The following PDE8B variants were observed in gnomAD, a reference collection of about 807,000 sequenced individuals.
PDE8B encodes high affinity cAMP-specific and IBMX-insensitive 3',5'-cyclic phosphodiesterase 8B.
In PDE8B, 26 loss-of-function variants were observed where a neutral mutation model predicts 101.3. That is an observed-to-expected ratio of 0.26 (90% CI 0.19 to 0.36). PDE8B has a LOEUF of 0.36. Ranked by LOEUF, PDE8B falls within the 10% of genes least tolerant of loss-of-function variation. PDE8B has a pLI of 1.00. For synonymous variants in PDE8B, 424 were observed against 429.3 expected, an observed-to-expected ratio of 0.99 and a Z score of 0.15; for missense variants, 810 against 1,163.1, an observed-to-expected ratio of 0.70 and a Z score of 4.42.
At chr5:77,302,402 G>C (rs1770170543) in intron 1 of PDE8B, among the ~76,000 whole-genome samples, 1 of 152,190 alleles carries the variant, frequency 6.6e-6, no homozygotes, top group Admixed American at 6.5e-5. Flanking sequence ...GGCAGTGTAA[G>C]ATGCTGTGCT....
chr5:77,273,716 G>A (rs530773417), intron 1 of PDE8B, among the ~76,000 whole-genome samples: 1 of 152,020 alleles, frequency 6.6e-6, no homozygotes, highest in African/African-American at 2.4e-5. Context: ...AGCCATTTGA[G>A]GTGGACAAAA....
intron 10 of PDE8B, among the ~76,000 whole-genome samples, chr5:77,392,740 T>C (rs1790196713): frequency 6.6e-6 from 1 of 152,128 alleles, no homozygotes; most frequent in South Asian, 2.1e-4. Flanking sequence ...TCTCTTAGCC[T>C]GTAGGGAGGG....
chr5:77,201,639 C>CCTGG, the PDE8B span, among the ~76,000 whole-genome samples: 5 of 152,162 alleles, frequency 3.3e-5, no homozygotes, highest in Non-Finnish European at 5.9e-5. Flanking sequence ...AGACATCTAA[C>CCTGG]CTGGAAATTT....
the PDE8B span, among the ~76,000 whole-genome samples, chr5:77,111,195 T>A: frequency 6.6e-6 from 1 of 152,182 alleles, no homozygotes; most frequent in Non-Finnish European, 1.5e-5. Context: ...GATGACAGCT[T>A]AGACTTGGAT....
intron 1 of PDE8B, among the ~76,000 whole-genome samples, chr5:77,302,512 G>C (rs78651244): frequency 4.6e-5 from 7 of 152,212 alleles, no homozygotes; most frequent in African/African-American, 1.4e-4. Context: ...ACTGCAGCGG[G>C]AGCGGGTGCC....
In PDE8B at chr5:77,427,419, G is replaced by GTAT. The variant is rs1798347997; in HGVS notation, c.*866_*867insATT. 1 of 115,210 alleles carries GTAT rather than the reference G, an allele frequency of 8.7e-6. No individual in the cohort carries two copies. The highest frequency in any genetic ancestry group is 2.1e-5 in the Non-Finnish European group (1 of 47,936). The allele number at this position is 115,210 out of a possible 1,614,324, so 7.1% of individuals were successfully genotyped here. On this transcript the variant is annotated 3_prime_UTR_variant, in exon 22 of 22. Transcript: ENST00000264917. Reference sequence around the variant, plus strand: ...CTTTTCTTAAAAAAAAAAAAAAAAAGTTTATATACATGTTTAAAATTTTTA... The same window carrying GTAT: ...CTTTTCTTAAAAAAAAAAAAAAAAAGTATTTTATATACATGTTTAAAATTTTTA...
chr5:77,106,291 A>G, the PDE8B span: 2 of 152,178 alleles, frequency 1.3e-5, no homozygotes, highest in Admixed American at 6.5e-5. Flanking sequence ...GGAGTTTTAT[A>G]GTTTTTACTT....
intron 1 of PDE8B, among the ~76,000 whole-genome samples, chr5:77,231,587 A>G (rs1473292580): frequency 6.6e-6 from 1 of 152,200 alleles, no homozygotes; most frequent in Non-Finnish European, 1.5e-5. Flanking sequence ...AGGTTTTGCT[A>G]CGTGTTAATT....
At chr5:77,212,028 A>G (rs998277374) in intron 1 of PDE8B, among the ~76,000 whole-genome samples, 1 of 152,216 alleles carries the variant, frequency 6.6e-6, no homozygotes, top group African/African-American at 2.4e-5. Flanking sequence ...AGGAAGTGGA[A>G]AAAATTGTTT....
chr5:77,306,935 G>T (rs928287639), intron 1 of PDE8B, among the ~76,000 whole-genome samples: 2 of 152,120 alleles, frequency 1.3e-5, no homozygotes, highest in African/African-American at 4.8e-5. Flanking sequence ...CCTACTCATA[G>T]TGGTGTTTTT....
intron 17 of PDE8B, among the ~76,000 whole-genome samples, chr5:77,417,319 T>C (rs1414098491): frequency 6.6e-6 from 1 of 152,216 alleles, no homozygotes; most frequent in Non-Finnish European, 1.5e-5. Flanking sequence ...GCATCTGTAC[T>C]TTCCTTCTTA....
intron 1 of PDE8B, among the ~76,000 whole-genome samples, chr5:77,234,481 C>T (rs1754272779): frequency 6.6e-6 from 1 of 152,132 alleles, no homozygotes; most frequent in African/African-American, 2.4e-5. Context: ...GTTCCCAGAG[C>T]AGAGGTGAGT....
intron 19 of PDE8B, among the ~76,000 whole-genome samples, chr5:77,421,441 A>T (rs1796611758): frequency 6.6e-6 from 1 of 152,174 alleles, no homozygotes; most frequent in Non-Finnish European, 1.5e-5. Flanking sequence ...GCTTTTACAC[A>T]TTTTTTTAAA....
At chr5:77,337,902 C>T (rs1348118962) in intron 6 of PDE8B, among the ~76,000 whole-genome samples, 1 of 152,198 alleles carries the variant, frequency 6.6e-6, no homozygotes, top group East Asian at 1.9e-4. Context: ...GGCCAGAATG[C>T]TGGGCTGGGG....
At chr5:77,096,681 G>A in the PDE8B span, among the ~76,000 whole-genome samples, 1 of 152,118 alleles carries the variant, frequency 6.6e-6, no homozygotes, top group East Asian at 1.9e-4. Context: ...GTTTTGGAGG[G>A]GACAAAAACA....
intron 1 of PDE8B, among the ~76,000 whole-genome samples, chr5:77,303,518 G>A (rs1580904819): frequency 1.3e-5 from 2 of 151,968 alleles, no homozygotes; most frequent in South Asian, 4.1e-4. Context: ...GCAGTGAGCC[G>A]AGATCACTCC....
chr5:77,369,606 G>A (rs903091583), intron 10 of PDE8B, among the ~76,000 whole-genome samples: 5 of 152,254 alleles, frequency 3.3e-5, no homozygotes, highest in Admixed American at 1.3e-4. Context: ...TAAAGGCATC[G>A]TCTCAATTAA....
chr5:77,333,687 G>A (rs535498724), intron 5 of PDE8B, among the ~76,000 whole-genome samples: 3 of 152,336 alleles, frequency 2.0e-5, no homozygotes, highest in East Asian at 3.9e-4. Context: ...GGCTGAGATT[G>A]CACATCTGCT....
the PDE8B span, among the ~76,000 whole-genome samples, chr5:77,171,894 T>A: frequency 2.4e-4 from 36 of 152,046 alleles, no homozygotes; most frequent in African/African-American, 8.7e-4. Flanking sequence ...ATTGATGAAT[T>A]CCCCACAGGT....
Sources: allele counts gnomAD v4.1 joint callset (sites outside exome capture counted in the v4.1 genomes callset), GRCh38; gene constraint gnomAD v4.1.1; transcripts MANE v1.5; gene names NCBI Gene and HGNC (gene_info 2026-07-23, HGNC 2026-07-21).